The following HDAC9 variants were observed in gnomAD, a reference collection of about 807,000 sequenced individuals.
HDAC9 encodes histone deacetylase 9.
In HDAC9, 41 loss-of-function variants were observed where a neutral mutation model predicts 139.4. The observed-to-expected ratio is 0.29, with a 90% confidence interval of 0.23 to 0.38. The LOEUF (loss-of-function observed/expected upper bound fraction) is 0.38, where lower values mean the gene tolerates loss of function less well. HDAC9 is among the 10% of genes least tolerant of loss of function. The pLI is 1.00. For missense variants in HDAC9, 1,147 were observed against 1,297.0 expected (o/e 0.88, Z 1.78); for synonymous variants, 517 against 476.2 (o/e 1.09, Z -1.12).
chr7:18,934,834 C>T (rs1039197863), intron 22 of HDAC9, among the ~76,000 whole-genome samples: 3 of 152,022 alleles, frequency 2.0e-5, no homozygotes, highest in Admixed American at 6.6e-5. Context: ...CACCAGAAGA[C>T]CCGTGTAAGA....
intron 12 of HDAC9, among the ~76,000 whole-genome samples, chr7:18,670,032 A>C (rs1350268944): frequency 1.1e-5 from 1 of 90,182 alleles, no homozygotes; most frequent in Non-Finnish European, 1.8e-5. Flanking sequence ...CTTAACAGAT[A>C]GATATATATA....
At chr7:18,404,877 T>G (rs1267989900) in intron 1 of HDAC9, among the ~76,000 whole-genome samples, 1 of 152,242 alleles carries the variant, frequency 6.6e-6, no homozygotes, top group Admixed American at 6.5e-5. Context: ...ATTGTTTATC[T>G]GATTATTCTA....
At chr7:18,488,670 G>A (rs954412812) in intron 1 of HDAC9, among the ~76,000 whole-genome samples, 23 of 151,912 alleles carry the variant, frequency 1.5e-4, no homozygotes, top group African/African-American at 5.6e-4. Flanking sequence ...TGACTACAAG[G>A]TTACTAGTAG....
intron 25 of HDAC9, among the ~76,000 whole-genome samples, chr7:18,984,227 A>T (rs889695767): frequency 6.6e-6 from 1 of 152,072 alleles, no homozygotes; most frequent in African/African-American, 2.4e-5. Flanking sequence ...GACACAAATT[A>T]GGTACTCAAG....
intron 2 of HDAC9, among the ~76,000 whole-genome samples, chr7:18,207,678 T>A (rs4721702): frequency 4.8e-4 from 73 of 151,736 alleles, no homozygotes; most frequent in African/African-American, 1.6e-3. Flanking sequence ...TTACATACTG[T>A]CTCTCATAAT....
At chr7:18,534,289 T>C (rs1251131813) in intron 2 of HDAC9, among the ~76,000 whole-genome samples, 1 of 152,176 alleles carries the variant, frequency 6.6e-6, no homozygotes. Context: ...GCGTGATGGC[T>C]CACAGCTGTA....
chr7:18,822,718 A>G (rs536815062), intron 17 of HDAC9, among the ~76,000 whole-genome samples: 378 of 152,206 alleles, frequency 2.5e-3, no homozygotes, highest in Non-Finnish European at 4.2e-3. Context: ...GTCTTAAATG[A>G]CTTTTCTTCT....
chr7:18,764,269 A>G (rs774913339), intron 15 of HDAC9, among the ~76,000 whole-genome samples: 10 of 152,162 alleles, frequency 6.6e-5, no homozygotes, highest in Non-Finnish European at 1.2e-4. Context: ...AATTTTGAAC[A>G]TATGATGTGA....
At chr7:18,292,469 G>T (rs367741254) in intron 1 of HDAC9, among the ~76,000 whole-genome samples, 4 of 152,142 alleles carry the variant, frequency 2.6e-5, no homozygotes, top group African/African-American at 9.7e-5. Flanking sequence ...CTTTTCTCTA[G>T]TAATAGTTTT....
At chr7:18,614,151 T>C (rs1468857390) in intron 6 of HDAC9, among the ~76,000 whole-genome samples, 1 of 152,156 alleles carries the variant, frequency 6.6e-6, no homozygotes, top group East Asian at 1.9e-4. Context: ...AGGACTGCCT[T>C]CATTTTTTTT....
intron 1 of HDAC9, among the ~76,000 whole-genome samples, chr7:18,429,729 A>G (rs961002181): frequency 6.6e-6 from 1 of 152,246 alleles, no homozygotes; most frequent in African/African-American, 2.4e-5. Context: ...TTGGAGAGGC[A>G]GAAATTCAAA....
upstream of HDAC9, among the ~76,000 whole-genome samples, chr7:18,491,185 A>G (rs1471084038): frequency 6.6e-6 from 1 of 152,010 alleles, no homozygotes; most frequent in Non-Finnish European, 1.5e-5. Context: ...CCAAAAGATG[A>G]AAATATAATT....
chr7:18,729,982 T>C (rs1246209555), intron 13 of HDAC9, among the ~76,000 whole-genome samples: 1 of 152,312 alleles, frequency 6.6e-6, no homozygotes, highest in South Asian at 2.1e-4. Context: ...CGCTAAAGGA[T>C]AGCTAAGTTA....
chr7:18,880,311 A>C (rs1799636440), intron 22 of HDAC9, among the ~76,000 whole-genome samples: 1 of 152,194 alleles, frequency 6.6e-6, no homozygotes, highest in African/African-American at 2.4e-5. Context: ...TACTGGGCAT[A>C]TACCCAGAGG....
chr7:18,780,586 A>G (rs1370802434), intron 16 of HDAC9, among the ~76,000 whole-genome samples: 9 of 152,064 alleles, frequency 5.9e-5, no homozygotes, highest in African/African-American at 2.2e-4. Context: ...CTAGTAGGCT[A>G]TACCTGGTGC....
At chr7:18,771,205 G>T (rs565948307) in intron 16 of HDAC9, among the ~76,000 whole-genome samples, 2 of 152,202 alleles carry the variant, frequency 1.3e-5, no homozygotes, top group East Asian at 3.9e-4. Flanking sequence ...TTCTCCAGCA[G>T]TGACTCAGTC....
chr7:18,535,014 T>C (rs1307770702), intron 2 of HDAC9, among the ~76,000 whole-genome samples: 4 of 152,104 alleles, frequency 2.6e-5, no homozygotes, highest in Admixed American at 2.6e-4. Context: ...GTTCTGAACC[T>C]CTTAGGGATT....
intron 1 of HDAC9, among the ~76,000 whole-genome samples, chr7:18,438,667 TG>T (rs1366021611): frequency 5.9e-5 from 9 of 151,734 alleles, no homozygotes; most frequent in African/African-American, 2.2e-4. Flanking sequence ...TGTGTGTGTG[TG>T]TGTGTGTAAC....
intron 13 of HDAC9, among the ~76,000 whole-genome samples, chr7:18,732,688 C>CACACACACGTGTATGTGTGCGTATGTGT (rs1562892086): frequency 3.8e-5 from 3 of 79,216 alleles, no homozygotes; most frequent in Non-Finnish European, 7.1e-5. Context: ...CGTATGTGTA[C>CACACACACGTGTATGTGTGCGTATGTGT]ACACACACAC....
Sources: allele counts gnomAD v4.1 joint callset (sites outside exome capture counted in the v4.1 genomes callset), GRCh38; gene constraint gnomAD v4.1.1; transcripts MANE v1.5; gene names NCBI Gene and HGNC (gene_info 2026-07-23, HGNC 2026-07-21).